ADAMTS2: variants seen among roughly 807,000 people sequenced by gnomAD.
ADAMTS2 encodes ADAM metallopeptidase with thrombospondin type 1 motif 2, also known as A disintegrin and metalloproteinase with thrombospondin motifs 2.
In ADAMTS2, 50 loss-of-function variants were observed where a neutral mutation model predicts 123.0. That is an observed-to-expected ratio of 0.41 (90% CI 0.32 to 0.51). The LOEUF (loss-of-function observed/expected upper bound fraction) is 0.51. ADAMTS2 is among the 20% of genes least tolerant of loss of function. The probability of loss-of-function intolerance (pLI) is 0.35; values close to 1 mark genes in which losing one functional copy is unlikely to be tolerated. For synonymous variants in ADAMTS2, 678 were observed against 695.4 expected, an observed-to-expected ratio of 0.98 and a Z score of 0.39; for missense variants, 1,494 against 1,705.2, an observed-to-expected ratio of 0.88 and a Z score of 2.18.
intron 2 of ADAMTS2, among the ~76,000 whole-genome samples, chr5:179,275,589 G>A (rs997347361): frequency 6.6e-6 from 1 of 152,162 alleles, no homozygotes; most frequent in African/African-American, 2.4e-5. Context: ...CGCAGAGGAC[G>A]AGGCCATGGG....
chr5:179,130,601 C>T lies in ADAMTS2; in HGVS notation c.2291-503G>A, dbSNP rs1762942995. On this transcript the variant is annotated intron_variant, in intron 15 of 21. Transcript: ENST00000251582. This position sits in a 1 kb window ranked among gnomAD's most constrained non-coding sequence, Gnocchi z 4.3. ...GACCATGGCCCAGCCGAGGCCCCAG[C>T]AGCTCCCCACAGCCCCAGAAGAGGC... Among the ~76,000 whole-genome samples, 1 of 152,206 alleles carries T rather than the reference C, an allele frequency of 6.6e-6. No homozygotes were observed.
intron 3 of ADAMTS2, among the ~76,000 whole-genome samples, chr5:179,229,760 G>A (rs534733140): frequency 1.3e-5 from 2 of 152,244 alleles, no homozygotes; most frequent in African/African-American, 4.8e-5. Context: ...GTTTAATTAC[G>A]TTAATTGTCC....
chr5:179,122,332 G>GGCA (rs1247561763), intron 20 of ADAMTS2, among the ~76,000 whole-genome samples: 2 of 92,772 alleles, frequency 2.2e-5, no homozygotes, highest in Admixed American at 1.1e-4. Context: ...TCGCACAGGC[G>GGCA]TCCCCCTATT....
intron 2 of ADAMTS2, chr5:179,341,392 A>G: frequency 2.8e-6 from 1 of 361,148 alleles, no homozygotes; most frequent in Non-Finnish European, 5.4e-6. Context: ...AGAAGAGAAG[A>G]GAAAGAGGAC....
chr5:179,233,334 A>G (rs1374600042), intron 3 of ADAMTS2, among the ~76,000 whole-genome samples: 1 of 152,046 alleles, frequency 6.6e-6, no homozygotes, highest in Non-Finnish European at 1.5e-5. Context: ...TATGTGTTGT[A>G]TCATATTATC....
intron 3 of ADAMTS2, among the ~76,000 whole-genome samples, chr5:179,269,204 T>C (rs1766458653): frequency 6.6e-6 from 1 of 152,172 alleles, no homozygotes; most frequent in Non-Finnish European, 1.5e-5. Context: ...GATTCTCCCC[T>C]GGAGCCTCTG....
intron 11 of ADAMTS2, among the ~76,000 whole-genome samples, chr5:179,138,323 C>G (rs1007670299): frequency 1.3e-5 from 2 of 152,180 alleles, no homozygotes; most frequent in Non-Finnish European, 2.9e-5. Context: ...GGGCGAAAAC[C>G]CCAGCACGGC....
intron 19 of ADAMTS2, among the ~76,000 whole-genome samples, chr5:179,123,896 C>T (rs1762806581): frequency 6.6e-6 from 1 of 152,216 alleles, no homozygotes; most frequent in Non-Finnish European, 1.5e-5. Context: ...TGCTTTTCCT[C>T]TACAGTCTGA....
intron 2 of ADAMTS2, among the ~76,000 whole-genome samples, chr5:179,301,304 T>C (rs1252007467): frequency 1.3e-5 from 2 of 152,222 alleles, no homozygotes; most frequent in Non-Finnish European, 2.9e-5. Flanking sequence ...TTGTGGCTAT[T>C]TGGCCTCTTT....
intron 5 of ADAMTS2, among the ~76,000 whole-genome samples, chr5:179,178,417 T>C (rs1763977842): frequency 6.6e-6 from 1 of 152,238 alleles, no homozygotes; most frequent in South Asian, 2.1e-4. Flanking sequence ...TAGCCAGCAT[T>C]CACTGGCAGA....
chr5:179,121,737 A>G lies in ADAMTS2; in HGVS notation c.3102T>C (p.Asp1034=). 6.3e-7 allele frequency: 1 copy of G among 1,579,488 alleles called. No homozygotes were observed. The highest frequency in any genetic ancestry group is 2.3e-5 in the East Asian group (1 of 42,626). Residue 1034 remains aspartate (D), a synonymous_variant, in exon 21 of 22, where the codon GAT becomes GAC. Coordinates refer to ENST00000251582, the MANE Select transcript of ADAMTS2 (RefSeq NM_014244.5). ...GAACTACGTAGCTCTTCTTGGAGGG[A>G]TCTGAGATGTTTCCTAGAGGGAGGA... is the stretch of plus-strand genomic sequence containing the variant. The part of the protein sequence containing the change: ...RLGPCPRNIS[D]PSKKSYVVQW...
At position 179,262,589 on chromosome 5, in the gene ADAMTS2, T is replaced by A. The variant is rs1379187757; in HGVS notation, c.688+10322A>T. On this transcript the variant is annotated intron_variant, in intron 3 of 21. Coordinates refer to ENST00000251582, the MANE Select transcript of ADAMTS2 (RefSeq NM_014244.5). The surrounding 1 kb of genome is among the most constrained non-coding windows in gnomAD (Gnocchi z 5.9). ...CTTCTGCCCCTTGGTCACGCTGCGG[T>A]AACTCCAGCCTCAGGGCTCCTGCAT... Among the ~76,000 whole-genome samples the A allele has an allele frequency of 6.6e-6, 1 of 152,114 alleles. No individual in the cohort carries two copies. Among genetic ancestry groups the A allele is most frequent in the Non-Finnish European group, 1.5e-5 (1 of 68,018 alleles).
At chr5:179,163,389 C>A (rs1373025044) in intron 5 of ADAMTS2, among the ~76,000 whole-genome samples, 1 of 152,198 alleles carries the variant, frequency 6.6e-6, no homozygotes, top group African/African-American at 2.4e-5. Flanking sequence ...CTGAAGGGAG[C>A]AACATCCGCC....
At chr5:179,227,155 G>C (rs1250214336) in intron 3 of ADAMTS2, among the ~76,000 whole-genome samples, 6 of 151,248 alleles carry the variant, frequency 4.0e-5, no homozygotes, top group Non-Finnish European at 8.9e-5. Flanking sequence ...GTGTGCACAG[G>C]ACATCCTGAA....
chr5:179,307,559 C>T lies in ADAMTS2; in HGVS notation c.535-34495G>A, dbSNP rs575541181. Among the ~76,000 whole-genome samples the T allele has an allele frequency of 2.6e-5, 4 of 152,194 alleles. No homozygotes were observed. The highest frequency in any genetic ancestry group is 4.4e-5 in the Non-Finnish European group (3 of 68,028). On this transcript the variant is annotated intron_variant, in intron 2 of 21. Coordinates refer to ENST00000251582, the MANE Select transcript of ADAMTS2 (RefSeq NM_014244.5). This position sits in a 1 kb window ranked among gnomAD's most constrained non-coding sequence, Gnocchi z 5.6. ...CATTCTCTATGCTCCTCACGGCTGC[C>T]CCACAGAATCTCTGAAACACGACTC...
chr5:179,311,459 T>C (rs928882420), intron 2 of ADAMTS2, among the ~76,000 whole-genome samples: 1 of 152,220 alleles, frequency 6.6e-6, no homozygotes, highest in Admixed American at 6.5e-5. Flanking sequence ...ACAAAGGACC[T>C]GAACAGTGGA....
chr5:179,230,868 G>A (rs139352577), intron 3 of ADAMTS2, among the ~76,000 whole-genome samples: 5,827 of 152,164 alleles, frequency 0.038, 135 homozygotes, highest in Non-Finnish European at 0.059. Flanking sequence ...AAAATTAGCC[G>A]GGCATGGTGG....
rs74412878 is a variant in ADAMTS2, at chr5:179,182,964, G to A, written c.892-1809C>T. ...CCTTGCCATTTGGTCATCGCCCTCCGTTTCCTCTGTAAAATGAGGATTGCA... is the reference window on the plus strand; with the variant it reads ...CCTTGCCATTTGGTCATCGCCCTCCATTTCCTCTGTAAAATGAGGATTGCA... On this transcript the variant is annotated intron_variant, in intron 4 of 21. Coordinates refer to ENST00000251582, the MANE Select transcript of ADAMTS2 (RefSeq NM_014244.5). Among the ~76,000 whole-genome samples, 79 of 152,296 alleles carry A rather than the reference G, an allele frequency of 5.2e-4. No homozygotes were observed. The East Asian group carries it at 0.013, about 25-fold the overall frequency.
intron 2 of ADAMTS2, among the ~76,000 whole-genome samples, chr5:179,309,666 G>A (rs2113572828): frequency 6.7e-6 from 1 of 149,108 alleles, no homozygotes; most frequent in East Asian, 2.0e-4. Context: ...GCTAAGGCAG[G>A]AGAATCGCTT....
Sources: gnomAD v4.1 joint callset for allele counts (sites outside exome capture counted in the v4.1 genomes callset) on GRCh38, gnomAD v4.1.1 for gene constraint, Gnocchi (gnomAD v3.1) non-coding constraint, MANE v1.5 for transcripts, NCBI Gene and HGNC (gene_info 2026-07-23, HGNC 2026-07-21) for gene names.